EPHB2: variants seen among roughly 807,000 people sequenced by gnomAD.
EPHB2 encodes the protein ephrin type-B receptor 2.
In EPHB2, 18 loss-of-function variants were observed where a neutral mutation model predicts 96.4. The ratio of observed to expected loss-of-function variants is 0.19; its 90% CI spans 0.13 to 0.28. The LOEUF (loss-of-function observed/expected upper bound fraction) is 0.28. Among genes scored for constraint, EPHB2 ranks in the 10% least tolerant of loss-of-function variants. The probability of loss-of-function intolerance (pLI) is 1.00; values close to 1 mark genes in which losing one functional copy is unlikely to be tolerated. For missense variants in EPHB2, 989 were observed against 1,355.4 expected (o/e 0.73, Z 4.25); for synonymous variants, 506 against 534.1 (o/e 0.95, Z 0.72).
Position 22,784,261 on chromosome 1 carries a change from G to T in EPHB2, c.127-131G>T. 1.2e-6 allele frequency: 1 copy of T among 821,656 alleles called. No individual in the cohort carries two copies. The highest frequency in any genetic ancestry group is 2.1e-6 in the Non-Finnish European group (1 of 485,646). 50.9% of individuals were successfully genotyped at this position (821,656 alleles called of 1,614,324 possible). A position where few individuals can be genotyped will look rare whatever the true frequency, so the allele number is the denominator to read the frequency against. On this transcript the variant is annotated intron_variant, in intron 2 of 15. Transcript: ENST00000374630. This position sits in a 1 kb window ranked among gnomAD's most constrained non-coding sequence, Gnocchi z 5.1. ...ATTGGCATGTCTCCCCCATCAGATT[G>T]GGAATTCTCTGATGTCTTCACCATT...
intron 3 of EPHB2, among the ~76,000 whole-genome samples, chr1:22,842,889 C>T (rs1363356677): frequency 6.6e-6 from 1 of 151,978 alleles, no homozygotes; most frequent in Admixed American, 6.6e-5. Flanking sequence ...GCTCAGATGC[C>T]ACATCCTCAG....
At chr1:22,744,615 G>T (rs1181323280) in intron 1 of EPHB2, among the ~76,000 whole-genome samples, 1 of 144,148 alleles carries the variant, frequency 6.9e-6, no homozygotes, top group Non-Finnish European at 1.5e-5. Context: ...GGAGTTTGAG[G>T]CTGCAGTGAG....
intron 1 of EPHB2, among the ~76,000 whole-genome samples, chr1:22,763,252 G>C (rs1644259703): frequency 6.6e-6 from 1 of 152,144 alleles, no homozygotes; most frequent in African/African-American, 2.4e-5. Context: ...CTATAAAATG[G>C]GGCTGATAAT....
chr1:22,797,841 C>T (rs887992852), intron 3 of EPHB2, among the ~76,000 whole-genome samples: 8 of 152,190 alleles, frequency 5.3e-5, no homozygotes, highest in African/African-American at 1.7e-4. Flanking sequence ...TCTAGGCACT[C>T]TGACCTCCTT....
At chr1:22,756,726 C>T (rs554502692) in intron 1 of EPHB2, among the ~76,000 whole-genome samples, 10 of 152,258 alleles carry the variant, frequency 6.6e-5, no homozygotes, top group East Asian at 5.8e-4. Flanking sequence ...CAGAACAAGG[C>T]GGCACCTGCT....
chr1:22,729,950 G>T (rs920158525), intron 1 of EPHB2, among the ~76,000 whole-genome samples: 6 of 152,210 alleles, frequency 3.9e-5, no homozygotes, highest in South Asian at 2.1e-4. Context: ...CTGAAAGGAG[G>T]ATATGCTTCT....
intron 3 of EPHB2, among the ~76,000 whole-genome samples, chr1:22,787,549 A>C (rs1644630060): frequency 6.6e-6 from 1 of 152,196 alleles, no homozygotes; most frequent in African/African-American, 2.4e-5. Context: ...CAGGAGTTTC[A>C]GACCAACCTG....
rs1340028549 is a variant in EPHB2, at chr1:22,733,562, CCTT to C, written c.61+22520_61+22522del. On this transcript the variant is annotated intron_variant, in intron 1 of 15. Transcript: ENST00000374630. The surrounding 1 kb of genome is among the most constrained non-coding windows in gnomAD (Gnocchi z 4.6). ...CGGTGGAAATCAGCATATACCATGGCCTTATTATGTGCCATGTTGCCATGCTGA... is the reference window on the plus strand; with the variant it reads ...CGGTGGAAATCAGCATATACCATGGCATTATGTGCCATGTTGCCATGCTGA... Among the ~76,000 whole-genome samples the C allele has an allele frequency of 6.6e-6, 1 of 152,148 alleles. No individual in the cohort carries two copies. Among genetic ancestry groups the C allele is most frequent in the African/African-American group, 2.4e-5 (1 of 41,416 alleles).
intron 6 of EPHB2, among the ~76,000 whole-genome samples, chr1:22,892,087 G>A (rs951966667): frequency 4.6e-5 from 7 of 151,724 alleles, no homozygotes; most frequent in Admixed American, 2.0e-4. Context: ...GTGAGCCACC[G>A]TATCCAGCCT....
chr1:22,859,300 G>GT (rs935141549), intron 3 of EPHB2, among the ~76,000 whole-genome samples: 1 of 150,770 alleles, frequency 6.6e-6, no homozygotes, highest in African/African-American at 2.4e-5. Context: ...GGCCTGGTGG[G>GT]GGGGGGGGTA....
chr1:22,869,827 G>A (rs772703409), intron 5 of EPHB2, among the ~76,000 whole-genome samples: 6 of 152,304 alleles, frequency 3.9e-5, no homozygotes, highest in African/African-American at 1.4e-4. Flanking sequence ...TCTAGTTCCC[G>A]TGGTTGAAAT....
chr1:22,920,861 C>T lies in EPHB2; in HGVS notation c.*7291C>T, dbSNP rs1640378302. 6.6e-6 allele frequency: 1 copy of T among 152,230 alleles called. No homozygotes were observed. Among genetic ancestry groups the T allele is most frequent in the South Asian group, 2.1e-4 (1 of 4,830 alleles). 9.4% of individuals were successfully genotyped at this position (152,230 alleles called of 1,614,324 possible). A position where few individuals can be genotyped will look rare whatever the true frequency, so the allele number is the denominator to read the frequency against. ...CCAACTTTTTATACACAATGTCTTGCCTAATCCTCACACCTCTGTGAGACA... is the reference window on the plus strand; with the variant it reads ...CCAACTTTTTATACACAATGTCTTGTCTAATCCTCACACCTCTGTGAGACA... On this transcript the variant is annotated 3_prime_UTR_variant, in exon 16 of 16. Coordinates refer to ENST00000374630, the MANE Select transcript of EPHB2 (RefSeq NM_017449.5).
chr1:22,752,649 G>A (rs1250843734), intron 1 of EPHB2, among the ~76,000 whole-genome samples: 1 of 151,284 alleles, frequency 6.6e-6, no homozygotes, highest in Non-Finnish European at 1.5e-5. Context: ...AGCAGAGTTG[G>A]ATCCAGGCTG....
Position 22,798,165 on chromosome 1 carries a change from A to G in EPHB2, c.811+13089A>G, listed in dbSNP as rs115640679. On this transcript the variant is annotated intron_variant, in intron 3 of 15. Coordinates refer to ENST00000374630, the MANE Select transcript of EPHB2 (RefSeq NM_017449.5). ...GTGCTGAGCTCACAGAAGGTTCTCA[A>G]TAAATACTTGTTGCAGAGTCCCACC... 4.3e-3 allele frequency among the ~76,000 whole-genome samples: 657 copies of G among 152,262 alleles called. 5 individuals carry two copies. The highest frequency in any genetic ancestry group is 7.1e-3 in the Non-Finnish European group (482 of 68,012).
rs145499202 is a variant in EPHB2 at position 22,880,245 on chromosome 1, G to A, written c.1304-2114G>A. ...GGGACAGACACAGAGCAGGAAATGG[G>A]TGAGTCAGCTCCAGCCTTCAAACCC... is the stretch of plus-strand genomic sequence containing the variant. On this transcript the variant is annotated intron_variant, in intron 5 of 15. Coordinates refer to ENST00000374630, the MANE Select transcript of EPHB2 (RefSeq NM_017449.5). 6.4e-3 allele frequency among the ~76,000 whole-genome samples: 967 copies of A among 152,280 alleles called. 4 individuals carry two copies. The highest frequency in any genetic ancestry group is 0.014 in the Middle Eastern group (4 of 294).
chr1:22,907,834 C>T, intron 11 of EPHB2, 119 bp from the exon 12 acceptor site: 1 of 1,278,356 alleles, frequency 7.8e-7, no homozygotes, highest in Non-Finnish European at 1.1e-6. Context: ...GAGTCCTTCC[C>T]CAGGGGAGCC....
rs1644572682 is a variant in EPHB2, at chr1:22,784,051, T to C, written c.127-341T>C. Among the ~76,000 whole-genome samples the C allele has an allele frequency of 6.6e-6, 1 of 152,118 alleles. No individual in the cohort carries two copies. The highest frequency in any genetic ancestry group is 6.5e-5 in the Admixed American group (1 of 15,286). On this transcript the variant is annotated intron_variant, in intron 2 of 15. Coordinates refer to ENST00000374630, the MANE Select transcript of EPHB2 (RefSeq NM_017449.5). The surrounding 1 kb of genome is among the most constrained non-coding windows in gnomAD (Gnocchi z 5.1). ...GCCCCCACAACCACAAAGCTATGTC[T>C]ACTTTCATCAGAAGGAGCTCCCTAA...
chr1:22,796,559 TC>T (rs981732906), intron 3 of EPHB2, among the ~76,000 whole-genome samples: 11 of 151,890 alleles, frequency 7.2e-5, no homozygotes, highest in African/African-American at 2.7e-4. Context: ...GTCCTCTCTG[TC>T]CCCCCCATCC....
chr1:22,781,339 A>G (rs3738296), intron 1 of EPHB2, 82 bp from the exon 2 acceptor site: 145,887 of 1,257,016 alleles, frequency 0.12, 14,529 homozygotes, highest in East Asian at 0.57. Flanking sequence ...AAAAAAAAGA[A>G]GAAGAAGGAT....
Sources: allele counts gnomAD v4.1 joint callset (sites outside exome capture counted in the v4.1 genomes callset), GRCh38; gene constraint gnomAD v4.1.1; non-coding constraint Gnocchi (gnomAD v3.1); transcripts MANE v1.5; gene names NCBI Gene and HGNC (gene_info 2026-07-23, HGNC 2026-07-21).